Variants in NCOR1 observed in about 807,000 individuals in gnomAD.
The protein encoded by NCOR1 is nuclear receptor corepressor 1.
A neutral mutation model predicts 288.1 loss-of-function variants in NCOR1; 63 were observed. That is an observed-to-expected ratio of 0.22 (90% CI 0.18 to 0.27). The LOEUF is 0.27. Among genes scored for constraint, NCOR1 ranks in the 10% least tolerant of loss-of-function variants. The probability of loss-of-function intolerance (pLI) is 1.00; values close to 1 mark genes in which losing one functional copy is unlikely to be tolerated. For synonymous variants in NCOR1, 1,007 were observed against 1,065.9 expected, an observed-to-expected ratio of 0.94 and a Z score of 1.08; for missense variants, 2,397 against 3,019.2, an observed-to-expected ratio of 0.79 and a Z score of 4.83.
At chr17:16,042,288 G>A (rs1444987199) in intron 42 of NCOR1, among the ~76,000 whole-genome samples, 1 of 130,222 alleles carries the variant, frequency 7.7e-6, no homozygotes, top group Non-Finnish European at 1.6e-5. Flanking sequence ...CATGAAGTGT[G>A]TGGAACAGGA....
At chr17:16,080,748 A>C in intron 23 of NCOR1, 21 bp from the exon 24 acceptor site, 1 of 1,599,988 alleles carries the variant, frequency 6.3e-7, no homozygotes. Flanking sequence ...AACAAAAAAA[A>C]ATTTAAAGAT....
intron 25 of NCOR1, 33 bp from the exon 26 acceptor site, chr17:16,080,097 C>T (rs929969554): frequency 9.0e-6 from 14 of 1,558,040 alleles, no homozygotes; most frequent in Middle Eastern, 1.7e-4. Context: ...GCAAATTACA[C>T]CCCCAGCCCC....
At chr17:16,214,859 G>C (rs2092417724) in intron 1 of NCOR1, among the ~76,000 whole-genome samples, 1 of 152,180 alleles carries the variant, frequency 6.6e-6, no homozygotes, top group Admixed American at 6.5e-5. Context: ...CCCAGCCTTC[G>C]CCATTACACC....
At chr17:16,202,096 C>T (rs974801756) in intron 1 of NCOR1, among the ~76,000 whole-genome samples, 5 of 151,930 alleles carry the variant, frequency 3.3e-5, no homozygotes, top group African/African-American at 9.7e-5. Flanking sequence ...TAGTGGCGCA[C>T]GCCTGTAATC....
chr17:16,044,939 G>A (rs907481447), intron 42 of NCOR1: 15 of 634,102 alleles, frequency 2.4e-5, no homozygotes, highest in Non-Finnish European at 4.3e-5. Flanking sequence ...ATGATGACAT[G>A]GGCTTTTGGT....
chr17:16,092,158 G>C (rs1256696692), intron 21 of NCOR1, 100 bp from the exon 22 acceptor site: 1 of 1,367,866 alleles, frequency 7.3e-7, no homozygotes, highest in Non-Finnish European at 1.0e-6. Context: ...GTTATTGGTT[G>C]AATTGATTTT....
chr17:16,166,995 TAAAG>T (rs537683706), intron 4 of NCOR1, among the ~76,000 whole-genome samples: 1 of 152,224 alleles, frequency 6.6e-6, no homozygotes, highest in African/African-American at 2.4e-5. Flanking sequence ...TGTTAACGCA[TAAAG>T]AAAGATCTTT....
intron 1 of NCOR1, among the ~76,000 whole-genome samples, chr17:16,196,134 T>C (rs1289164651): frequency 4.7e-5 from 7 of 149,138 alleles, no homozygotes; most frequent in Non-Finnish European, 1.0e-4. Context: ...TATATAATTG[T>C]ATATATAAAA....
At chr17:16,040,179 C>T (rs1283445958) in intron 43 of NCOR1, 2 of 581,630 alleles carry the variant, frequency 3.4e-6, no homozygotes, top group East Asian at 7.6e-5. Flanking sequence ...AGTTACTCAA[C>T]AATTTTCTCA....
intron 18 of NCOR1, among the ~76,000 whole-genome samples, chr17:16,110,377 C>T (rs530526631): frequency 7.9e-5 from 12 of 151,772 alleles, no homozygotes; most frequent in African/African-American, 2.4e-4. Flanking sequence ...AACAAAAAAA[C>T]AAAAATTTTT....
chr17:16,166,373 A>G (rs1007397172), intron 4 of NCOR1, among the ~76,000 whole-genome samples: 2 of 152,142 alleles, frequency 1.3e-5, no homozygotes, highest in African/African-American at 4.8e-5. Context: ...ATAAACCAGT[A>G]TGTTTCATCT....
chr17:16,114,714 C>T (rs1378705233), intron 18 of NCOR1, among the ~76,000 whole-genome samples: 2 of 152,238 alleles, frequency 1.3e-5, no homozygotes, highest in African/African-American at 4.8e-5. Context: ...GTCTCACGTC[C>T]AGGTCGTGCT....
Position 16,034,761 on chromosome 17 carries a change from T to C in NCOR1, c.7135+4A>G, listed in dbSNP as rs1252513880. 6.2e-7 allele frequency: 1 copy of C among 1,608,976 alleles called. No homozygotes were observed. Among genetic ancestry groups the C allele is most frequent in the Non-Finnish European group, 8.5e-7 (1 of 1,177,596 alleles). On this transcript the variant is annotated splice_donor_region_variant and intron_variant, in intron 45 of 45. Transcript: ENST00000268712. ...CATTTTCTAAGTTAAAGCAGAATCC[T>C]TACCTGTTGAAGAGGGCCTGTCTTC...
intron 21 of NCOR1, among the ~76,000 whole-genome samples, chr17:16,095,217 G>A (rs1219525468): frequency 2.8e-5 from 4 of 141,016 alleles, no homozygotes; most frequent in South Asian, 2.3e-4. Flanking sequence ...CTACCCCGCC[G>A]CCCCGTCTGG....
In NCOR1 at chr17:16,186,646, C is replaced by T. The variant is rs988346807; in HGVS notation, c.150G>A (p.Val50=). Residue 50 remains valine (V), a synonymous_variant, in exon 3 of 46, where the codon GTG becomes GTA. Coordinates refer to ENST00000268712, the MANE Select transcript of NCOR1 (RefSeq NM_006311.4). ...VPDYRSSHLE[V]SQASQLLQQQ... ...GCTGCAAAAGCTGTGATGCCTGACT[C>T]ACTTCAAGATGAGAGGAACGATAAT... 6.2e-7 allele frequency: 1 copy of T among 1,614,016 alleles called. No homozygotes were observed. Among genetic ancestry groups the T allele is most frequent in the African/African-American group, 1.3e-5 (1 of 75,012 alleles).
intron 15 of NCOR1, among the ~76,000 whole-genome samples, chr17:16,125,384 A>G (rs896297478): frequency 4.0e-5 from 6 of 150,666 alleles, no homozygotes; most frequent in African/African-American, 1.5e-4. Flanking sequence ...AATAAAATAA[A>G]ATTTCAGCAG....
chr17:16,175,571 C>G (rs2083991655), intron 3 of NCOR1, among the ~76,000 whole-genome samples: 1 of 151,926 alleles, frequency 6.6e-6, no homozygotes, highest in African/African-American at 2.4e-5. Context: ...GAGAATATTC[C>G]ATACTCAATG....
intron 32 of NCOR1, 113 bp downstream of exon 32, chr17:16,067,781 C>T: frequency 1.9e-6 from 2 of 1,034,954 alleles, no homozygotes; most frequent in Non-Finnish European, 2.7e-6. Flanking sequence ...ATTCACTGAG[C>T]TGTACATTAA....
chr17:16,101,552 C>T lies in NCOR1; in HGVS notation c.2388G>A (p.Met796Ile). The T allele has an allele frequency of 6.2e-7, 1 of 1,614,190 alleles. No individual in the cohort carries two copies. Among genetic ancestry groups the T allele is most frequent in the Non-Finnish European group, 8.5e-7 (1 of 1,180,008 alleles). The stretch of plus-strand genomic sequence containing the variant: ...CACTGTGCTCCTGCTGATCTACATC[C>T]ATCTGCTCTGCTGTCTCAGCACTGA... ...DSISAETAEQ[M>I]DVDQQEHSAE... is the part of the protein sequence containing the mutation. Residue 796 changes from methionine to isoleucine, a missense_variant, in exon 20 of 46, where the codon ATG (methionine) becomes ATA (isoleucine). This residue lies in a region of NCOR1 where 1,872 missense variants were observed against 2,187.8 expected (regional missense o/e 0.86). Coordinates refer to ENST00000268712, the MANE Select transcript of NCOR1 (RefSeq NM_006311.4).
Sources: gnomAD v4.1 joint callset for allele counts (sites outside exome capture counted in the v4.1 genomes callset) on GRCh38, gnomAD v4.1.1 for gene constraint, gnomAD v4.1.1 regional missense constraint, MANE v1.5 for transcripts, NCBI Gene and HGNC (gene_info 2026-07-23, HGNC 2026-07-21) for gene names.